The following MEI1 variants were observed in gnomAD, a reference collection of about 807,000 sequenced individuals.
MEI1 encodes meiotic double-stranded break formation protein 1.
In MEI1, 103 loss-of-function variants were observed where a neutral mutation model predicts 146.2. The observed-to-expected ratio is 0.70, with a 90% confidence interval of 0.60 to 0.83. The LOEUF (loss-of-function observed/expected upper bound fraction) is 0.83, where lower values mean the gene tolerates loss of function less well. Ranked by LOEUF, MEI1 falls within the 40% of genes least tolerant of loss-of-function variation. The pLI, the probability that MEI1 is intolerant of heterozygous loss-of-function variation, is 0.00. For synonymous variants in MEI1, 652 were observed against 628.2 expected, an observed-to-expected ratio of 1.04 and a Z score of -0.57; for missense variants, 1,529 against 1,533.0, an observed-to-expected ratio of 1.00 and a Z score of 0.04.
chr22:41,703,950 C>T (rs2068895554), intron 2 of MEI1, among the ~76,000 whole-genome samples: 1 of 152,152 alleles, frequency 6.6e-6, no homozygotes, highest in Admixed American at 6.6e-5. Flanking sequence ...CGTGCCACCA[C>T]ACTCCAGCCT....
intron 5 of MEI1, among the ~76,000 whole-genome samples, chr22:41,716,724 C>A (rs1305634357): frequency 1.8e-4 from 21 of 116,560 alleles, no homozygotes; most frequent in African/African-American, 6.0e-4. Context: ...GAGTCTTGCT[C>A]TGTTGCCCAG....
At chr22:41,778,467 T>G (rs951271523) in intron 21 of MEI1, among the ~76,000 whole-genome samples, 1 of 152,226 alleles carries the variant, frequency 6.6e-6, no homozygotes, top group African/African-American at 2.4e-5. Flanking sequence ...ACATTTTGTT[T>G]AGTGGGATTA....
intron 11 of MEI1, among the ~76,000 whole-genome samples, chr22:41,739,613 G>A (rs536927595): frequency 1.3e-4 from 19 of 151,622 alleles, no homozygotes; most frequent in African/African-American, 4.6e-4. Context: ...TTCCTCCTTT[G>A]TCCTTCCCTG....
intron 18 of MEI1, 114 bp downstream of exon 18, chr22:41,758,647 GA>G (rs2074257982): frequency 9.1e-7 from 1 of 1,096,636 alleles, no homozygotes; most frequent in East Asian, 2.6e-5. Flanking sequence ...GGGACACGGG[GA>G]TAAGTAAGAA....
At chr22:41,726,266 C>T (rs991458520) in intron 7 of MEI1, among the ~76,000 whole-genome samples, 1 of 152,122 alleles carries the variant, frequency 6.6e-6, no homozygotes, top group African/African-American at 2.4e-5. Flanking sequence ...TAGTTTAGTC[C>T]ATTTCAGAGT....
Position 41,718,217 on chromosome 22 carries a change from C to A in MEI1, c.676C>A (p.Leu226Ile). Residue 226 changes from leucine to isoleucine, a missense_variant, in exon 6 of 31, where the codon CTC becomes ATC. By Grantham distance (5) the Leu-to-Ile change is conservative. Coordinates refer to ENST00000401548, the MANE Select transcript of MEI1 (RefSeq NM_152513.4). ...SGHFREKLFP[L>I]FLSILDGAQT... ...ACACTTCCGTGAGAAGCTTTTTCCCCTCTTCCTTTCCATCCTGGATGGTGC... is the reference window on the plus strand; with the variant it reads ...ACACTTCCGTGAGAAGCTTTTTCCCATCTTCCTTTCCATCCTGGATGGTGC... 2 of 1,613,914 alleles carry A rather than the reference C, an allele frequency of 1.2e-6. No individual in the cohort carries two copies. The highest frequency in any genetic ancestry group is 1.7e-6 in the Non-Finnish European group (2 of 1,179,828).
At chr22:41,734,432 A>C (rs1194697335) in intron 11 of MEI1, among the ~76,000 whole-genome samples, 2 of 151,986 alleles carry the variant, frequency 1.3e-5, no homozygotes, top group African/African-American at 4.8e-5. Flanking sequence ...GTCTCTACTA[A>C]AAATACAAAA....
chr22:41,791,359 A>G (rs1020038624), intron 26 of MEI1, among the ~76,000 whole-genome samples: 3 of 152,196 alleles, frequency 2.0e-5, no homozygotes, highest in Non-Finnish European at 4.4e-5. Context: ...GTGGTGGCAC[A>G]TGCCTGTAGT....
Position 41,758,407 on chromosome 22 carries a change from A to C in MEI1, c.1994A>C (p.Gln665Pro). ...VSELLQHGLP[Q>P]ISSRSPESLA... The stretch of plus-strand genomic sequence containing the variant: ...GAGCTCCTGCAGCATGGGCTGCCCC[A>C]GATAAGCAGCAGGAGCCCTGAAAGC... The change falls in exon 18 of 31, where the codon CAG becomes CCG. Residue 665 changes from glutamine (Q) to proline (P), a missense_variant. Around this residue, in one of 3 missense-constraint regions of MEI1, gnomAD observed 1,212 missense variants for 1,178.9 expected, o/e 1.03. Coordinates refer to ENST00000401548, the MANE Select transcript of MEI1 (RefSeq NM_152513.4). The C allele has an allele frequency of 1.2e-6, 2 of 1,613,904 alleles. No homozygotes were observed. Among genetic ancestry groups the C allele is most frequent in the Non-Finnish European group, 1.7e-6 (2 of 1,179,852 alleles).
chr22:41,754,937 G>C (rs1018428846), intron 17 of MEI1, among the ~76,000 whole-genome samples: 9 of 152,178 alleles, frequency 5.9e-5, no homozygotes, highest in Non-Finnish European at 8.8e-5. Flanking sequence ...AGACATGTTA[G>C]ATAGGGTGGT....
intron 11 of MEI1, among the ~76,000 whole-genome samples, chr22:41,740,140 C>T (rs938895959): frequency 6.6e-6 from 1 of 151,936 alleles, no homozygotes; most frequent in African/African-American, 2.4e-5. Context: ...CTGCCTTAGC[C>T]TCGCGAGTAG....
intron 4 of MEI1, among the ~76,000 whole-genome samples, chr22:41,714,382 T>C (rs2069896731): frequency 6.6e-6 from 1 of 152,202 alleles, no homozygotes; most frequent in South Asian, 2.1e-4. Context: ...ACAGATTTCC[T>C]TGATGAAGTT....
intron 28 of MEI1, 88 bp downstream of exon 28, chr22:41,794,565 C>A (rs779261736): frequency 9.3e-7 from 1 of 1,070,354 alleles, no homozygotes; most frequent in Non-Finnish European, 1.4e-6. Flanking sequence ...CTTTAGGTAA[C>A]CCTAATCCTT....
chr22:41,708,229 G>T (rs2069252041), intron 3 of MEI1, among the ~76,000 whole-genome samples: 1 of 152,138 alleles, frequency 6.6e-6, no homozygotes, highest in Non-Finnish European at 1.5e-5. Context: ...AACAGTTACA[G>T]AAATATATTA....
At chr22:41,742,479 A>G (rs563326262) in intron 11 of MEI1, among the ~76,000 whole-genome samples, 2 of 152,334 alleles carry the variant, frequency 1.3e-5, no homozygotes, top group South Asian at 4.1e-4. Flanking sequence ...GCTGACATTT[A>G]TAAGGACTTA....
intron 12 of MEI1, 145 bp from the exon 13 acceptor site, chr22:41,744,828 G>A (rs1201743337): frequency 2.7e-6 from 1 of 365,030 alleles, no homozygotes; most frequent in Non-Finnish European, 5.0e-6. Flanking sequence ...TATTTGCAAG[G>A]ATATAGCCAA....
intron 11 of MEI1, among the ~76,000 whole-genome samples, chr22:41,735,942 A>G (rs1280779268): frequency 6.6e-6 from 1 of 152,222 alleles, no homozygotes; most frequent in Non-Finnish European, 1.5e-5. Context: ...TCCTATTGCT[A>G]CAGGACCAGA....
At chr22:41,761,214 G>A (rs1476094642) in intron 18 of MEI1, among the ~76,000 whole-genome samples, 9 of 152,056 alleles carry the variant, frequency 5.9e-5, no homozygotes, top group Non-Finnish European at 1.0e-4. Context: ...GGGAGGCTGA[G>A]GCAGGAGAAT....
chr22:41,743,357 T>C (rs2073033260), intron 12 of MEI1, among the ~76,000 whole-genome samples, 163 bp downstream of exon 12: 1 of 152,208 alleles, frequency 6.6e-6, no homozygotes, highest in Admixed American at 6.6e-5. Context: ...ACTATGAAGC[T>C]TAAGGATTAC....
Sources: gnomAD v4.1 joint callset for allele counts (sites outside exome capture counted in the v4.1 genomes callset) on GRCh38, gnomAD v4.1.1 for gene constraint, gnomAD v4.1.1 regional missense constraint, MANE v1.5 for transcripts, NCBI Gene and HGNC (gene_info 2026-07-23, HGNC 2026-07-21) for gene names.